FAT4: variants seen among roughly 807,000 people sequenced by gnomAD.
FAT4 encodes protocadherin Fat 4.
Under a neutral mutation model 303.9 loss-of-function variants are expected in FAT4, and 84 were observed. The ratio of observed to expected loss-of-function variants is 0.28; its 90% confidence interval spans 0.23 to 0.33. FAT4 has a LOEUF of 0.33. Among genes scored for constraint, FAT4 ranks in the 10% least tolerant of loss-of-function variants. The pLI is 1.00. For synonymous variants in FAT4, 2,307 were observed against 2,298.8 expected, an observed-to-expected ratio of 1.00 and a Z score of -0.10; for missense variants, 6,005 against 6,146.8, an observed-to-expected ratio of 0.98 and a Z score of 0.77.
intron 2 of FAT4, among the ~76,000 whole-genome samples, chr4:125,351,605 T>C (rs1185500997): frequency 6.6e-6 from 1 of 151,804 alleles, no homozygotes; most frequent in African/African-American, 2.4e-5. Flanking sequence ...GTTCATACCA[T>C]AAGCTTTTTA....
rs775309368 is a variant in FAT4 at position 125,316,961 on chromosome 4, C to A, written c.550C>A (p.Arg184Ser). The A allele has an allele frequency of 6.2e-7, 1 of 1,613,902 alleles. No individual in the cohort carries two copies. The highest frequency in any genetic ancestry group is 8.5e-7 in the Non-Finnish European group (1 of 1,180,028). ...YRIIRGNEAG[R>S]FRLDITLNPS... ...CATCATCCGCGGCAATGAGGCGGGG[C>A]GCTTCCGTCTGGACATCACCCTGAA... is the stretch of plus-strand genomic sequence containing the variant. Residue 184 changes from arginine to serine, a missense_variant, in exon 2 of 18, where the codon CGC becomes AGC. Arg to Ser is a moderately radical substitution (Grantham distance 110, BLOSUM62 -1). Coordinates refer to ENST00000394329, the MANE Select transcript of FAT4 (RefSeq NM_001291303.3). The surrounding 1 kb of genome is among the most constrained non-coding windows in gnomAD (Gnocchi z 5.7).
At chr4:125,421,355 C>T (rs1724882158) in intron 7 of FAT4, among the ~76,000 whole-genome samples, 1 of 152,176 alleles carries the variant, frequency 6.6e-6, no homozygotes, top group Admixed American at 6.5e-5. Flanking sequence ...AATATAAGGG[C>T]CCATCATTTC....
At chr4:125,453,480 G>A (rs147469556) in intron 10 of FAT4, among the ~76,000 whole-genome samples, 4,110 of 152,134 alleles carry the variant, frequency 0.027, 192 homozygotes, top group African/African-American at 0.095. Flanking sequence ...AGGCCAAGGC[G>A]GGCAGATCAC....
At chr4:125,357,387 A>T (rs574123825) in intron 2 of FAT4, among the ~76,000 whole-genome samples, 1 of 152,278 alleles carries the variant, frequency 6.6e-6, no homozygotes, top group South Asian at 2.1e-4. Context: ...TAGAGCAAAA[A>T]GACCTAAAGA....
At position 125,328,500 on chromosome 4, in the gene FAT4, A is replaced by T. The variant is rs111240539; in HGVS notation, c.5175+6914A>T. ...AGAAACGATCAGTGAGTAAAAACCA[A>T]AGAATTTTAAGGCTTTGAAGAAATG... On this transcript the variant is annotated intron_variant, in intron 2 of 17. Coordinates refer to ENST00000394329, the MANE Select transcript of FAT4 (RefSeq NM_001291303.3). 9.0e-3 allele frequency among the ~76,000 whole-genome samples: 1,376 copies of T among 152,334 alleles called. 24 individuals are homozygous for T. The highest frequency in any genetic ancestry group is 0.032 in the African/African-American group (1,314 of 41,580).
At position 125,317,739 on chromosome 4, in the gene FAT4, A is replaced by G. The variant is rs1013842967; in HGVS notation, c.1328A>G (p.Asn443Ser). Residue 443 changes from asparagine (N) to serine (S), a missense_variant, in exon 2 of 18, where the codon AAC becomes AGC. Transcript: ENST00000394329. This position sits in a 1 kb window ranked among gnomAD's most constrained non-coding sequence, Gnocchi z 7.0. ...AACCTCACAGTTTCCGTCTCTGATA[A>G]CTACGGGGCGCCCCCTGGCGCAGCA... is the stretch of plus-strand genomic sequence containing the variant. ...SYNLTVSVSDNYGAPPGAAVQ... is the reference protein window; with the variant it reads ...SYNLTVSVSDSYGAPPGAAVQ... The G allele has an allele frequency of 1.9e-6, 3 of 1,614,156 alleles. No individual in the cohort carries two copies. The African/African-American group carries it at 4.0e-5, about 22-fold the overall frequency.
intron 7 of FAT4, among the ~76,000 whole-genome samples, chr4:125,417,035 A>G (rs1432964163): frequency 6.6e-6 from 1 of 152,182 alleles, no homozygotes; most frequent in Non-Finnish European, 1.5e-5. Context: ...ATATTTGTTC[A>G]CTTTTACTAA....
At chr4:125,437,491 T>TG (rs1725500274) in intron 8 of FAT4, among the ~76,000 whole-genome samples, 1 of 2,898 alleles carries the variant, frequency 3.5e-4, no homozygotes, top group South Asian at 0.25. Flanking sequence ...GACCAAGACT[T>TG]ATTCCAAGAG....
At chr4:125,420,697 G>A (rs529486959) in intron 7 of FAT4, among the ~76,000 whole-genome samples, 9 of 152,138 alleles carry the variant, frequency 5.9e-5, no homozygotes, top group Non-Finnish European at 1.0e-4. Flanking sequence ...AGGACCCAGT[G>A]AAGCATTTTA....
chr4:125,368,185 C>G (rs960949729), intron 2 of FAT4, among the ~76,000 whole-genome samples: 16 of 152,130 alleles, frequency 1.1e-4, no homozygotes, highest in Middle Eastern at 3.4e-3. Context: ...TGAATACATT[C>G]AAGTGCAAAT....
At chr4:125,425,942 G>A (rs73849210) in intron 7 of FAT4, among the ~76,000 whole-genome samples, 2,040 of 152,134 alleles carry the variant, frequency 0.013, 58 homozygotes, top group African/African-American at 0.046. Context: ...AACTGAAAGG[G>A]AATATATTTC....
intron 7 of FAT4, among the ~76,000 whole-genome samples, chr4:125,424,517 G>C (rs1312321794): frequency 6.6e-6 from 1 of 152,100 alleles, no homozygotes; most frequent in Non-Finnish European, 1.5e-5. Context: ...CCAGTCCCAG[G>C]TATGGCCTTA....
At chr4:125,476,403 G>A in intron 13 of FAT4, 147 bp downstream of exon 13, 1 of 357,126 alleles carries the variant, frequency 2.8e-6, no homozygotes, top group Non-Finnish European at 5.0e-6. Flanking sequence ...ATATAAAATA[G>A]TCAATAATTA....
intron 10 of FAT4, 36 bp from the exon 11 acceptor site, chr4:125,463,527 T>C (rs762382175): frequency 9.3e-6 from 12 of 1,294,832 alleles, no homozygotes; most frequent in Non-Finnish European, 1.1e-5. Context: ...TATTTATGTA[T>C]GAGATTTAAA....
Position 125,318,493 on chromosome 4 carries a change from C to T in FAT4, c.2082C>T (p.Tyr694=). Residue 694 remains tyrosine (Y), a synonymous_variant, in exon 2 of 18, where the codon TAC becomes TAT. Transcript: ENST00000394329. Reference sequence around the variant, plus strand: ...GCCCTGTCTTCTACCCGGTCCAATACTTTGCTCACATTAAGGAGAATGAGC... The same window carrying T: ...GCCCTGTCTTCTACCCGGTCCAATATTTTGCTCACATTAAGGAGAATGAGC... ...DNSPVFYPVQ[Y]FAHIKENEPG... is the part of the protein sequence containing the mutation. 2 of 1,614,200 alleles carry T rather than the reference C, an allele frequency of 1.2e-6. No individual in the cohort carries two copies. The highest frequency in any genetic ancestry group is 1.7e-5 in the Admixed American group (1 of 60,026).
At chr4:125,350,484 C>T (rs1732179596) in intron 2 of FAT4, among the ~76,000 whole-genome samples, 1 of 151,656 alleles carries the variant, frequency 6.6e-6, no homozygotes, top group Non-Finnish European at 1.5e-5. Flanking sequence ...TTGTATACAG[C>T]AGAAAGAATC....
Position 125,491,129 on chromosome 4 carries a change from C to T in FAT4, c.14313C>T (p.Arg4771=), listed in dbSNP as rs138762766. 6.2e-7 allele frequency: 1 copy of T among 1,614,012 alleles called. No individual in the cohort carries two copies. The highest frequency in any genetic ancestry group is 8.5e-7 in the Non-Finnish European group (1 of 1,180,030). ...MASHGSRPGS[R]LKQPIGQIPL... ...CACATGGTTCTAGACCAGGGAGTCG[C>T]CTAAAGCAGCCGATTGGGCAGATTC... Residue 4771 remains arginine, a synonymous_variant, in exon 18 of 18, where the codon CGC becomes CGT. Transcript: ENST00000394329.
chr4:125,452,527 C>A lies in FAT4; in HGVS notation c.11517C>A (p.Ile3839=), dbSNP rs758152796. The change falls in exon 10 of 18, where the codon ATC becomes ATA. Residue 3839 remains isoleucine (I), a synonymous_variant. Coordinates refer to ENST00000394329, the MANE Select transcript of FAT4 (RefSeq NM_001291303.3). ...LKSRESLPVI[I]VANEPLQPFL... is the part of the protein sequence containing the mutation. ...GCCGTGAGAGTCTTCCAGTCATCAT[C>A]GTGGCAAATGAACCTCTGCAGCCTT... 1 of 1,613,918 alleles carries A rather than the reference C, an allele frequency of 6.2e-7. No homozygotes were observed. The highest frequency in any genetic ancestry group is 1.7e-5 in the Admixed American group (1 of 60,002).
chr4:125,415,306 G>C lies in FAT4; in HGVS notation c.6343G>C (p.Glu2115Gln). Residue 2115 changes from glutamate (E) to glutamine (Q), a missense_variant, in exon 6 of 18, where the codon GAA becomes CAA. Physicochemically the swap from Glu to Gln is conservative, Grantham distance 29. Coordinates refer to ENST00000394329, the MANE Select transcript of FAT4 (RefSeq NM_001291303.3). ...GAGGCTCACTGGAGAACTGGACAGAGAAGAAGTTTCTAATTATACTCTAAC... is the reference window on the plus strand; with the variant it reads ...GAGGCTCACTGGAGAACTGGACAGACAAGAAGTTTCTAATTATACTCTAAC... ...EVRLTGELDR[E>Q]EVSNYTLTVV... 6.2e-7 allele frequency: 1 copy of C among 1,613,992 alleles called. No individual in the cohort carries two copies. Among genetic ancestry groups the C allele is most frequent in the Non-Finnish European group, 8.5e-7 (1 of 1,179,958 alleles).
Sources: allele counts gnomAD v4.1 joint callset (sites outside exome capture counted in the v4.1 genomes callset), GRCh38; gene constraint gnomAD v4.1.1; non-coding constraint Gnocchi (gnomAD v3.1); transcripts MANE v1.5; gene names NCBI Gene and HGNC (gene_info 2026-07-23, HGNC 2026-07-21).